Variants in AFG2A observed in about 807,000 individuals in gnomAD.
AFG2A encodes AAA ATPase AFG2A.
the AFG2A span, among the ~76,000 whole-genome samples, chr4:123,071,692 G>T: frequency 6.6e-6 from 1 of 152,108 alleles, no homozygotes; most frequent in Non-Finnish European, 1.5e-5. Flanking sequence ...TTATACATCT[G>T]TATAATAGCT....
the AFG2A span, among the ~76,000 whole-genome samples, chr4:123,225,605 T>G: frequency 6.6e-6 from 1 of 152,242 alleles, no homozygotes; most frequent in Non-Finnish European, 1.5e-5. Context: ...GCTGTTTTGG[T>G]TACTGTAGCC....
chr4:123,094,411 T>C, the AFG2A span, among the ~76,000 whole-genome samples: 1 of 152,146 alleles, frequency 6.6e-6, no homozygotes, highest in African/African-American at 2.4e-5. Context: ...AAAAGACTTA[T>C]AGCCAATTAA....
the AFG2A span, among the ~76,000 whole-genome samples, chr4:123,089,662 G>A: frequency 2.0e-5 from 3 of 152,084 alleles, no homozygotes; most frequent in South Asian, 6.2e-4. Context: ...TCCGCCCACT[G>A]CAACCTCCAC....
chr4:122,927,662 G>T, the AFG2A span: 8 of 1,611,220 alleles, frequency 5.0e-6, no homozygotes, highest in African/African-American at 1.1e-4. Context: ...AAACATTCCA[G>T]AATTCCCTTA....
At chr4:123,112,183 A>G in the AFG2A span, among the ~76,000 whole-genome samples, 4 of 152,018 alleles carry the variant, frequency 2.6e-5, no homozygotes, top group African/African-American at 9.7e-5. Flanking sequence ...AGTGGAAACT[A>G]CTCTTCCTTG....
the AFG2A span, among the ~76,000 whole-genome samples, chr4:123,274,742 T>C: frequency 6.6e-6 from 1 of 152,086 alleles, no homozygotes; most frequent in Admixed American, 6.6e-5. Context: ...GAGGATGTCA[T>C]TCCTATATGA....
chr4:123,253,299 A>G, the AFG2A span, among the ~76,000 whole-genome samples: 1 of 152,170 alleles, frequency 6.6e-6, no homozygotes, highest in Admixed American at 6.5e-5. Flanking sequence ...CCTGGCCAGT[A>G]TGGCAAAACC....
the AFG2A span, among the ~76,000 whole-genome samples, chr4:123,025,520 A>C: frequency 4.0e-5 from 6 of 151,566 alleles, no homozygotes; most frequent in African/African-American, 1.5e-4. Flanking sequence ...TAGTTTATGA[A>C]TGTCTTGTTT....
At chr4:122,982,864 C>CTTTTTTTTTTTTTTT in the AFG2A span, among the ~76,000 whole-genome samples, 5 of 93,766 alleles carry the variant, frequency 5.3e-5, no homozygotes, top group East Asian at 3.2e-4. Flanking sequence ...TAATCTTCTT[C>CTTTTTTTTTTTTTTT]TTTTTTTTTT....
the AFG2A span, among the ~76,000 whole-genome samples, chr4:123,157,262 G>T: frequency 6.6e-6 from 1 of 151,818 alleles, no homozygotes; most frequent in Non-Finnish European, 1.5e-5. Flanking sequence ...AACCTCAAGT[G>T]ATCCACCCAC....
At chr4:123,313,766 A>G in the AFG2A span, 1 of 877,570 alleles carries the variant, frequency 1.1e-6, no homozygotes, top group Admixed American at 3.6e-5. Context: ...TTGCAGATAA[A>G]TTTTAGCAAT....
chr4:122,980,490 G>A, the AFG2A span, among the ~76,000 whole-genome samples: 28 of 152,104 alleles, frequency 1.8e-4, no homozygotes, highest in Non-Finnish European at 3.2e-4. Flanking sequence ...ATCGCTTTGA[G>A]ATACTTCATT....
At chr4:122,945,545 G>T in the AFG2A span, among the ~76,000 whole-genome samples, 6 of 152,214 alleles carry the variant, frequency 3.9e-5, no homozygotes, top group African/African-American at 1.4e-4. Flanking sequence ...GGTGCTGTCT[G>T]TCACCCCTTT....
chr4:123,310,693 A>T, the AFG2A span, among the ~76,000 whole-genome samples: 7 of 152,222 alleles, frequency 4.6e-5, no homozygotes, highest in African/African-American at 1.7e-4. Flanking sequence ...TATTGCACAG[A>T]GTAGCTATTC....
At chr4:123,029,323 C>T in the AFG2A span, among the ~76,000 whole-genome samples, 1 of 152,134 alleles carries the variant, frequency 6.6e-6, no homozygotes, top group African/African-American at 2.4e-5. Flanking sequence ...CCGCCTGCCT[C>T]GGCCTCCCAA....
At chr4:123,096,219 A>C in the AFG2A span, among the ~76,000 whole-genome samples, 137,710 of 151,616 alleles carry the variant, frequency 0.91, 62,804 homozygotes, top group East Asian at 0.98. Flanking sequence ...GTTGAAGTTG[A>C]GTCCTCTAGT....
At chr4:123,309,057 T>G in the AFG2A span, among the ~76,000 whole-genome samples, 8 of 152,186 alleles carry the variant, frequency 5.3e-5, no homozygotes, top group Non-Finnish European at 1.0e-4. Flanking sequence ...AAAGCTATGC[T>G]AATAAGCAAG....
chr4:123,313,112 C>T, the AFG2A span, among the ~76,000 whole-genome samples: 1 of 152,218 alleles, frequency 6.6e-6, no homozygotes, highest in Non-Finnish European at 1.5e-5. Context: ...AGCCTGCTTC[C>T]GCTGTCTGAA....
chr4:122,958,911 G>T, the AFG2A span, among the ~76,000 whole-genome samples: 16 of 152,320 alleles, frequency 1.1e-4, no homozygotes, highest in African/African-American at 3.8e-4. Flanking sequence ...TTTTGAAGCA[G>T]CCAGTCTTGC....
Sources: gnomAD v4.1 joint callset for allele counts (sites outside exome capture counted in the v4.1 genomes callset) on GRCh38, gnomAD v4.1.1 for gene constraint, MANE v1.5 for transcripts, NCBI Gene and HGNC (gene_info 2026-07-23, HGNC 2026-07-21) for gene names.